Variants in DOCK9 observed in about 807,000 individuals in gnomAD.
The protein encoded by DOCK9 is dedicator of cytokinesis protein 9.
A neutral mutation model predicts 263.3 loss-of-function variants in DOCK9; 89 were observed. That is an observed-to-expected ratio of 0.34 (90% confidence interval 0.28 to 0.40). The LOEUF is 0.40. Among genes scored for constraint, DOCK9 ranks in the 10% least tolerant of loss-of-function variants. The probability of loss-of-function intolerance (pLI) is 1.00; values close to 1 mark genes in which losing one functional copy is unlikely to be tolerated. For synonymous variants in DOCK9, 976 were observed against 973.1 expected, an observed-to-expected ratio of 1.00 and a Z score of -0.06; for missense variants, 2,140 against 2,603.4, an observed-to-expected ratio of 0.82 and a Z score of 3.87.
At chr13:98,989,473 G>A (rs1312271854) in intron 1 of DOCK9, among the ~76,000 whole-genome samples, 1 of 152,010 alleles carries the variant, frequency 6.6e-6, no homozygotes, top group Admixed American at 6.5e-5. Context: ...TCCCAGGTGA[G>A]ACCTATGCTG....
intron 39 of DOCK9, among the ~76,000 whole-genome samples, chr13:98,836,794 A>G (rs540945784): frequency 6.6e-6 from 1 of 152,248 alleles, no homozygotes; most frequent in Non-Finnish European, 1.5e-5. Flanking sequence ...AGTAAAGCAG[A>G]GAATGACTTG....
At chr13:98,925,173 T>C (rs2052720163) in intron 4 of DOCK9, among the ~76,000 whole-genome samples, 1 of 151,834 alleles carries the variant, frequency 6.6e-6, no homozygotes, top group Admixed American at 6.6e-5. Flanking sequence ...CAAAACTAAA[T>C]AAATAAAAAT....
chr13:98,956,132 G>A (rs1368132444), intron 1 of DOCK9, among the ~76,000 whole-genome samples: 6 of 152,214 alleles, frequency 3.9e-5, no homozygotes, highest in African/African-American at 1.2e-4. Context: ...GTCACAGCCA[G>A]GGGGGCAGGT....
chr13:99,072,359 G>A (rs1032041421), intron 1 of DOCK9, among the ~76,000 whole-genome samples: 2 of 152,164 alleles, frequency 1.3e-5, no homozygotes, highest in African/African-American at 4.8e-5. Flanking sequence ...TTGGGAACAA[G>A]TAGACCACTT....
At chr13:99,042,318 G>T (rs1210386838) in intron 1 of DOCK9, among the ~76,000 whole-genome samples, 1 of 152,212 alleles carries the variant, frequency 6.6e-6, no homozygotes, top group South Asian at 2.1e-4. Context: ...TATGAATCTG[G>T]TCTTTTTTCT....
At chr13:98,934,680 C>T (rs2054529712) in intron 2 of DOCK9, among the ~76,000 whole-genome samples, 2 of 152,082 alleles carry the variant, frequency 1.3e-5, no homozygotes, top group Admixed American at 1.3e-4. Flanking sequence ...TGAGGAGATA[C>T]ACTATGCTGC....
chr13:98,873,097 C>T (rs919181209), intron 27 of DOCK9, among the ~76,000 whole-genome samples: 4 of 152,184 alleles, frequency 2.6e-5, no homozygotes, highest in Admixed American at 6.5e-5. Flanking sequence ...TTCCTTCCTT[C>T]TCTCTCTTCT....
intron 41 of DOCK9, 86 bp downstream of exon 41, chr13:98,831,262 A>T: frequency 7.2e-7 from 1 of 1,386,778 alleles, no homozygotes. Flanking sequence ...TGACAAGGTA[A>T]ATTGGTTAAT....
intron 1 of DOCK9, among the ~76,000 whole-genome samples, chr13:99,072,310 T>C (rs2041715289): frequency 6.6e-6 from 1 of 152,194 alleles, no homozygotes; most frequent in African/African-American, 2.4e-5. Context: ...TAAAGGTCCT[T>C]ATGGCCCCTG....
intron 45 of DOCK9, among the ~76,000 whole-genome samples, chr13:98,821,560 C>T (rs913022185): frequency 1.6e-4 from 25 of 152,166 alleles, no homozygotes; most frequent in African/African-American, 6.0e-4. Flanking sequence ...CATTCGTTAA[C>T]AAGGGAGGGA....
chr13:98,843,713 TG>T (rs1157729000), intron 38 of DOCK9, among the ~76,000 whole-genome samples: 1 of 152,134 alleles, frequency 6.6e-6, no homozygotes, highest in African/African-American at 2.4e-5. Context: ...ACAGGGCTCT[TG>T]TGGGTAGCAG....
chr13:99,021,686 A>T (rs983353206), intron 1 of DOCK9, among the ~76,000 whole-genome samples: 4 of 152,000 alleles, frequency 2.6e-5, no homozygotes, highest in African/African-American at 9.7e-5. Flanking sequence ...TGAAACATGA[A>T]AAAAGAGTTA....
At chr13:98,822,897 G>A (rs945616171) in intron 45 of DOCK9, among the ~76,000 whole-genome samples, 3 of 151,884 alleles carry the variant, frequency 2.0e-5, no homozygotes, top group Non-Finnish European at 4.4e-5. Flanking sequence ...GACCATTTGA[G>A]ACTAGACAAT....
intron 1 of DOCK9, among the ~76,000 whole-genome samples, chr13:99,041,485 A>G (rs896034856): frequency 6.6e-6 from 1 of 151,846 alleles, no homozygotes; most frequent in African/African-American, 2.4e-5. Context: ...TGTCTCAAAA[A>G]AAAAAAAAAA....
intron 47 of DOCK9, among the ~76,000 whole-genome samples, chr13:98,808,270 G>A (rs185167840): frequency 7.2e-5 from 11 of 152,190 alleles, no homozygotes; most frequent in African/African-American, 2.6e-4. Context: ...GTAAAAGTTA[G>A]GTAAAGCTTG....
intron 26 of DOCK9, 85 bp from the exon 27 acceptor site, chr13:98,880,054 G>T: frequency 2.8e-6 from 3 of 1,086,578 alleles, no homozygotes; most frequent in Non-Finnish European, 4.0e-6. Context: ...CAATATTATT[G>T]ACATAAAGCA....
chr13:99,050,680 C>T (rs1240974008), intron 1 of DOCK9, among the ~76,000 whole-genome samples: 1 of 152,138 alleles, frequency 6.6e-6, no homozygotes. Context: ...ACATGCGAGA[C>T]TCCGTCTCTA....
At chr13:98,834,713 T>C (rs2092921014) in intron 39 of DOCK9, 1 of 152,236 alleles carries the variant, frequency 6.6e-6, no homozygotes, top group South Asian at 2.1e-4. Context: ...AACCTGTTTA[T>C]AAAACAAACC....
intron 30 of DOCK9, among the ~76,000 whole-genome samples, chr13:98,864,414 A>G (rs1384203586): frequency 1.3e-5 from 2 of 152,212 alleles, no homozygotes; most frequent in Non-Finnish European, 2.9e-5. Flanking sequence ...GACTGACTCC[A>G]TTATTAAAGG....
Sources: allele counts gnomAD v4.1 joint callset (sites outside exome capture counted in the v4.1 genomes callset), GRCh38; gene constraint gnomAD v4.1.1; transcripts MANE v1.5; gene names NCBI Gene and HGNC (gene_info 2026-07-23, HGNC 2026-07-21).